Variants in ZNF536 observed in about 807,000 individuals in gnomAD.
ZNF536 encodes the protein zinc finger protein 536.
Under a neutral mutation model 84.5 loss-of-function variants are expected in ZNF536, and 13 were observed. The ratio of observed to expected loss-of-function variants is 0.15; its 90% CI spans 0.10 to 0.24. The LOEUF is 0.24. ZNF536 is among the 10% of genes least tolerant of loss of function. The probability of loss-of-function intolerance (pLI) is 1.00; values close to 1 mark genes in which losing one functional copy is unlikely to be tolerated. For synonymous variants in ZNF536, 811 were observed against 742.5 expected (o/e 1.09, Z -1.50); for missense variants, 1,536 against 1,747.5 (o/e 0.88, Z 2.16).
At chr19:30,516,665 G>A (rs751709371) in intron 2 of ZNF536, among the ~76,000 whole-genome samples, 5 of 152,128 alleles carry the variant, frequency 3.3e-5, no homozygotes, top group Admixed American at 1.3e-4. Flanking sequence ...GCAAACCCAC[G>A]GGGTACTCTT....
chr19:30,620,752 T>A (rs551520379), intron 1 of ZNF536, among the ~76,000 whole-genome samples: 1 of 152,200 alleles, frequency 6.6e-6, no homozygotes. Flanking sequence ...GCAAACCTTT[T>A]GAATGACACA....
At chr19:30,701,055 G>A (rs565693111) in intron 1 of ZNF536, among the ~76,000 whole-genome samples, 1 of 152,140 alleles carries the variant, frequency 6.6e-6, no homozygotes, top group Non-Finnish European at 1.5e-5. Context: ...CGTGGATGCA[G>A]GACGCCCTTC....
chr19:30,445,281 C>T lies in ZNF536; in HGVS notation c.1719C>T (p.Gly573=), dbSNP rs2148218439. 1 of 1,614,182 alleles carries T rather than the reference C, an allele frequency of 6.2e-7. No individual in the cohort carries two copies. Among genetic ancestry groups the T allele is most frequent in the Non-Finnish European group, 8.5e-7 (1 of 1,180,048 alleles). The change falls in exon 2 of 5, where the codon GGC becomes GGT. Residue 573 remains glycine, a synonymous_variant. Coordinates refer to ENST00000355537, the MANE Select transcript of ZNF536 (RefSeq NM_014717.3). This position sits in a 1 kb window ranked among gnomAD's most constrained non-coding sequence, Gnocchi z 4.5. ...AGTACGTGTTAGTGGGAGCAGATGG[C>T]TCCAAGCAGAAAATGCCTGCTGATT... ...KREYVLVGAD[G]SKQKMPADLV...
intron 2 of ZNF536, among the ~76,000 whole-genome samples, chr19:30,518,942 G>A (rs77765091): frequency 0.016 from 2,462 of 152,312 alleles, 75 homozygotes; most frequent in African/African-American, 0.057. Flanking sequence ...GGAGCAGCAC[G>A]CAGATGGGAA....
chr19:30,356,127 A>G (rs1006098243), intron 3 of ZNF536, among the ~76,000 whole-genome samples: 22 of 152,206 alleles, frequency 1.4e-4, no homozygotes, highest in African/African-American at 4.6e-4. Context: ...TCCCACCACA[A>G]TGTAGATTTC....
At position 30,329,649 on chromosome 19, in the gene ZNF536, C is replaced by T. The variant is rs149454283; in HGVS notation, c.-119-22719C>T. ...AGTTCCAGACCTTGGAAAGCCCAGG[C>T]GTGATACAGACAAAAGTTTATCAGG... On this transcript the variant is annotated intron_variant, in intron 2 of 5. Transcript: ENST00000585628. 6.1e-3 allele frequency among the ~76,000 whole-genome samples: 927 copies of T among 152,272 alleles called. 12 individuals carry two copies. The highest frequency in any genetic ancestry group is 0.022 in the African/African-American group (901 of 41,536).
At chr19:30,567,591 C>T (rs2046400552) in intron 1 of ZNF536, among the ~76,000 whole-genome samples, 1 of 152,212 alleles carries the variant, frequency 6.6e-6, no homozygotes, top group Admixed American at 6.5e-5. Flanking sequence ...CTGACCCCCA[C>T]CTTGCAATTG....
chr19:30,245,880 C>T (rs899035827), intron 1 of ZNF536, among the ~76,000 whole-genome samples: 24 of 152,364 alleles, frequency 1.6e-4, no homozygotes, highest in African/African-American at 5.3e-4. Flanking sequence ...AGGCCTCTTG[C>T]TTGACATCAG....
intron 2 of ZNF536, among the ~76,000 whole-genome samples, chr19:30,332,633 T>C (rs1213961288): frequency 3.3e-5 from 5 of 152,206 alleles, no homozygotes; most frequent in Non-Finnish European, 7.3e-5. Flanking sequence ...GCTTACTCAC[T>C]TCATCATAAC....
At chr19:30,457,066 AG>A (rs1205854020) in intron 2 of ZNF536, among the ~76,000 whole-genome samples, 1 of 151,902 alleles carries the variant, frequency 6.6e-6, no homozygotes, top group Non-Finnish European at 1.5e-5. Context: ...ACAAAAAAAA[AG>A]ATGAATAGAG....
intron 1 of ZNF536, among the ~76,000 whole-genome samples, chr19:30,243,616 T>C (rs984412332): frequency 6.6e-6 from 1 of 152,178 alleles, no homozygotes; most frequent in Non-Finnish European, 1.5e-5. Flanking sequence ...AAAATTATAT[T>C]TTTCCCCAAC....
chr19:30,669,817 G>A (rs565400628), intron 1 of ZNF536, among the ~76,000 whole-genome samples: 62 of 152,348 alleles, frequency 4.1e-4, no homozygotes, highest in Non-Finnish European at 7.9e-4. Context: ...AAGACCTCAG[G>A]TTAACCGCTT....
chr19:30,461,930 C>T (rs2053157419), intron 2 of ZNF536, among the ~76,000 whole-genome samples: 1 of 152,122 alleles, frequency 6.6e-6, no homozygotes, highest in Admixed American at 6.5e-5. Context: ...CAGCTCTCCA[C>T]CCCCACCCCT....
intron 1 of ZNF536, among the ~76,000 whole-genome samples, chr19:30,377,925 G>C (rs2048878756): frequency 6.6e-6 from 1 of 152,062 alleles, no homozygotes; most frequent in African/African-American, 2.4e-5. Context: ...TCTGACAGTT[G>C]GGTGGATTCT....
chr19:30,344,856 G>T (rs1459462895), intron 2 of ZNF536, among the ~76,000 whole-genome samples: 1 of 152,148 alleles, frequency 6.6e-6, no homozygotes, highest in Non-Finnish European at 1.5e-5. Context: ...CCAGACCCAG[G>T]CTCCTAGTTC....
At chr19:30,368,653 CTT>C (rs1346357770), upstream of ZNF536, among the ~76,000 whole-genome samples, 4 of 152,228 alleles carry the variant, frequency 2.6e-5, no homozygotes, top group African/African-American at 4.8e-5. Context: ...CCTTACATAT[CTT>C]TGCTTAAATT....
At chr19:30,493,579 A>G (rs2054597118) in intron 2 of ZNF536, among the ~76,000 whole-genome samples, 1 of 152,252 alleles carries the variant, frequency 6.6e-6, no homozygotes, top group African/African-American at 2.4e-5. Context: ...GCATCCAGGT[A>G]GTAGAAATTC....
chr19:30,493,133 A>C (rs2054577604), intron 2 of ZNF536, among the ~76,000 whole-genome samples: 1 of 115,896 alleles, frequency 8.6e-6, no homozygotes, highest in South Asian at 2.9e-4. Flanking sequence ...CCCTCAGTGC[A>C]CATAGTTCTG....
intron 1 of ZNF536, among the ~76,000 whole-genome samples, chr19:30,269,482 A>G (rs2025702871): frequency 6.6e-6 from 1 of 152,286 alleles, no homozygotes; most frequent in African/African-American, 2.4e-5. Flanking sequence ...GAAACTGTAG[A>G]TGATCCACTT....
Sources: allele counts gnomAD v4.1 joint callset (sites outside exome capture counted in the v4.1 genomes callset), GRCh38; gene constraint gnomAD v4.1.1; non-coding constraint Gnocchi (gnomAD v3.1); transcripts MANE v1.5; gene names NCBI Gene and HGNC (gene_info 2026-07-23, HGNC 2026-07-21).